UBASH3B: variants seen among roughly 807,000 people sequenced by gnomAD.
The protein encoded by UBASH3B is ubiquitin associated and SH3 domain containing B, also known as ubiquitin-associated and SH3 domain-containing protein B.
Under a neutral mutation model 83.4 loss-of-function variants are expected in UBASH3B, and 37 were observed. The ratio of observed to expected loss-of-function variants is 0.44; its 90% CI spans 0.34 to 0.58. UBASH3B has a LOEUF of 0.58. UBASH3B is among the 20% of genes least tolerant of loss of function. The probability of loss-of-function intolerance (pLI) is 0.01; values close to 1 mark genes in which losing one functional copy is unlikely to be tolerated. For synonymous variants in UBASH3B, 304 were observed against 318.3 expected (o/e 0.96, Z 0.48); for missense variants, 657 against 827.2 (o/e 0.79, Z 2.52).
intron 1 of UBASH3B, among the ~76,000 whole-genome samples, chr11:122,662,464 G>A (rs1863458688): frequency 8.0e-6 from 1 of 124,324 alleles, no homozygotes; most frequent in South Asian, 2.8e-4. Context: ...TTTCACTCTT[G>A]TTGCCCAGGC....
rs146296030 is a variant in UBASH3B at position 122,789,207 on chromosome 11, G to A, written c.879G>A (p.Glu293=). 6 of 1,614,094 alleles carry A rather than the reference G, an allele frequency of 3.7e-6. No homozygotes were observed. The African/African-American group carries it at 5.3e-5, about 14-fold the overall frequency. Residue 293 remains glutamate, a synonymous_variant, in exon 6 of 14, where the codon GAG becomes GAA. Transcript: ENST00000284273. The part of the protein sequence containing the change: ...MSPMEQTSTS[E]GWIYGTSLTT... ...CAATGGAGCAGACCAGCACCAGCGA[G>A]GGTTGGATCTATGGCACGTCCTTAA...
At chr11:122,763,705 C>T (rs750216648) in intron 1 of UBASH3B, among the ~76,000 whole-genome samples, 6 of 152,224 alleles carry the variant, frequency 3.9e-5, no homozygotes, top group African/African-American at 9.6e-5. Context: ...ATTAACCCCA[C>T]CTAACTGAAA....
chr11:122,729,444 T>G (rs915167903), intron 1 of UBASH3B, among the ~76,000 whole-genome samples: 4 of 152,092 alleles, frequency 2.6e-5, no homozygotes, highest in African/African-American at 9.7e-5. Flanking sequence ...GAAAAAGACA[T>G]TTTTGAGACC....
intron 1 of UBASH3B, among the ~76,000 whole-genome samples, chr11:122,747,169 G>A (rs1342580807): frequency 6.6e-6 from 1 of 152,178 alleles, no homozygotes; most frequent in East Asian, 1.9e-4. Flanking sequence ...AAGCAGGACA[G>A]TGATGTGATC....
At chr11:122,701,627 G>A (rs1366512574) in intron 1 of UBASH3B, among the ~76,000 whole-genome samples, 1 of 152,126 alleles carries the variant, frequency 6.6e-6, no homozygotes, top group African/African-American at 2.4e-5. Flanking sequence ...CGGTCCTGTA[G>A]CATCACTTGT....
intron 1 of UBASH3B, among the ~76,000 whole-genome samples, chr11:122,748,073 A>G (rs1317443888): frequency 1.3e-5 from 2 of 152,210 alleles, no homozygotes; most frequent in Non-Finnish European, 2.9e-5. Context: ...AATCCTGCAA[A>G]AGGAGGATCC....
At chr11:122,669,087 G>A (rs920407190) in intron 1 of UBASH3B, among the ~76,000 whole-genome samples, 1 of 152,166 alleles carries the variant, frequency 6.6e-6, no homozygotes, top group African/African-American at 2.4e-5. Flanking sequence ...AGCAAATATA[G>A]CCAAAAGCAT....
At position 122,809,807 on chromosome 11, in the gene UBASH3B, T is replaced by C; in HGVS notation, c.1871T>C (p.Leu624Pro). The change falls in exon 14 of 14, where the codon CTG becomes CCG. Residue 624 changes from leucine to proline, a missense_variant. Leu to Pro is a moderately conservative substitution (Grantham distance 98). Around this residue, in one of 3 missense-constraint regions of UBASH3B, gnomAD observed 573 missense variants for 739.0 expected, o/e 0.78. Transcript: ENST00000284273. The stretch of plus-strand genomic sequence containing the variant: ...TTAGGAGAAACTGGAATATGGCAGC[T>C]GACAGATCCACCAATCCTTCCTCTT... ...EELGETGIWQLTDPPILPLTH... is the reference protein window; with the variant it reads ...EELGETGIWQPTDPPILPLTH... 1 of 1,614,220 alleles carries C rather than the reference T, an allele frequency of 6.2e-7. No individual in the cohort carries two copies. The highest frequency in any genetic ancestry group is 8.5e-7 in the Non-Finnish European group (1 of 1,180,024).
At chr11:122,699,933 T>G (rs1040365008) in intron 1 of UBASH3B, among the ~76,000 whole-genome samples, 1 of 152,104 alleles carries the variant, frequency 6.6e-6, no homozygotes, top group Non-Finnish European at 1.5e-5. Context: ...TTTACGTAAA[T>G]ATTATTGTTT....
chr11:122,725,349 A>C (rs1365333368), intron 1 of UBASH3B, among the ~76,000 whole-genome samples: 1 of 151,556 alleles, frequency 6.6e-6, no homozygotes, highest in Non-Finnish European at 1.5e-5. Context: ...AAAAAAGAAA[A>C]GAAAAGAAAC....
Position 122,765,586 on chromosome 11 carries a change from A to T in UBASH3B, c.162-10633A>T, listed in dbSNP as rs181182437. 1.6e-3 allele frequency among the ~76,000 whole-genome samples: 241 copies of T among 152,266 alleles called. 1 individual carries two copies. Among genetic ancestry groups the T allele is most frequent in the African/African-American group, 5.6e-3 (231 of 41,572 alleles). On this transcript the variant is annotated intron_variant, in intron 1 of 13. Coordinates refer to ENST00000284273, the MANE Select transcript of UBASH3B (RefSeq NM_032873.5). Reference sequence around the variant, plus strand: ...TTAGAAGAGGAGTGGCAACTTTTTCATGAGGTTGAGTTCCACCTCAGTGGA... The same window carrying T: ...TTAGAAGAGGAGTGGCAACTTTTTCTTGAGGTTGAGTTCCACCTCAGTGGA...
At chr11:122,720,663 C>T (rs963706949) in intron 1 of UBASH3B, among the ~76,000 whole-genome samples, 1 of 152,182 alleles carries the variant, frequency 6.6e-6, no homozygotes, top group Non-Finnish European at 1.5e-5. Flanking sequence ...GAATACACTA[C>T]ACACGCCATT....
intron 1 of UBASH3B, among the ~76,000 whole-genome samples, chr11:122,717,548 C>T (rs76323516): frequency 1.7e-3 from 266 of 152,328 alleles, no homozygotes; most frequent in Non-Finnish European, 3.2e-3. Context: ...GCACACAGCA[C>T]GGATGCTTGT....
intron 1 of UBASH3B, among the ~76,000 whole-genome samples, chr11:122,730,159 G>C (rs1004761599): frequency 1.3e-5 from 2 of 152,014 alleles, no homozygotes. Flanking sequence ...GATGGTGTGC[G>C]CCTGTAATCC....
chr11:122,688,891 G>T (rs964103445), intron 1 of UBASH3B, among the ~76,000 whole-genome samples: 3 of 151,728 alleles, frequency 2.0e-5, no homozygotes, highest in African/African-American at 7.3e-5. Context: ...TGATCCGCCT[G>T]CCTGGGCCTC....
chr11:122,783,300 A>T lies in UBASH3B; in HGVS notation c.771+78A>T, dbSNP rs147199411. ...ATCAGCAGCTCGCTGCTGCAGGGAG[A>T]TGGGTACCTACAGGGGAAAAATGGA... On this transcript the variant is annotated intron_variant, in intron 5 of 13. Coordinates refer to ENST00000284273, the MANE Select transcript of UBASH3B (RefSeq NM_032873.5). 1.6e-3 allele frequency: 2,447 copies of T among 1,517,610 alleles called. 26 individuals carry two copies. The African/African-American group carries it at 0.028, about 17-fold the overall frequency. 94.0% of individuals were successfully genotyped at this position (1,517,610 alleles called of 1,614,324 possible).
intron 1 of UBASH3B, among the ~76,000 whole-genome samples, chr11:122,757,749 C>G (rs1861305895): frequency 7.9e-6 from 1 of 126,722 alleles, no homozygotes; most frequent in African/African-American, 2.9e-5. Context: ...GAGTCTCACT[C>G]TGTCGCCAGG....
At chr11:122,690,200 A>C (rs1194748992) in intron 1 of UBASH3B, among the ~76,000 whole-genome samples, 1 of 29,180 alleles carries the variant, frequency 3.4e-5, no homozygotes, top group African/African-American at 1.1e-4. Context: ...ATATATATAT[A>C]TATATATATC....
chr11:122,787,814 G>A (rs1240216321), intron 5 of UBASH3B, among the ~76,000 whole-genome samples: 1 of 152,212 alleles, frequency 6.6e-6, no homozygotes, highest in Non-Finnish European at 1.5e-5. Context: ...TGAAGCCAAA[G>A]TTAGAAATAT....
Sources: gnomAD v4.1 joint callset for allele counts (sites outside exome capture counted in the v4.1 genomes callset) on GRCh38, gnomAD v4.1.1 for gene constraint, gnomAD v4.1.1 regional missense constraint, MANE v1.5 for transcripts, NCBI Gene and HGNC (gene_info 2026-07-23, HGNC 2026-07-21) for gene names.